OR8S1: variants seen among roughly 807,000 people sequenced by gnomAD.
OR8S1 encodes olfactory receptor 8S1.
For missense variants in OR8S1, 362 were observed against 372.1 expected, an observed-to-expected ratio of 0.97 and a Z score of 0.22; for synonymous variants, 150 against 151.4, an observed-to-expected ratio of 0.99 and a Z score of 0.07.
exon 1 of OR8S1, chr12:48,525,783 C>CTGA (rs1411580335): frequency 3.1e-6 from 5 of 1,614,034 alleles, no homozygotes; most frequent in Non-Finnish European, 4.2e-6. Context: ...ATGATCAGGG[C>CTGA]TGATTCTTGT....
chr12:48,526,450 T>C (rs577539229), exon 1 of OR8S1: 1 of 1,613,650 alleles, frequency 6.2e-7, no homozygotes, highest in South Asian at 1.1e-5. Context: ...TGATCTTCTC[T>C]GTGCAGTATA....
exon 1 of OR8S1, chr12:48,525,961 T>C: frequency 6.2e-7 from 1 of 1,614,204 alleles, no homozygotes; most frequent in Admixed American, 1.7e-5. Context: ...CTGCAGGGAC[T>C]GAAGCCTGCC....
exon 1 of OR8S1, chr12:48,526,249 T>C (rs770759605): frequency 9.9e-6 from 16 of 1,614,072 alleles, no homozygotes; most frequent in Admixed American, 3.3e-5. Context: ...CTCTCCTACA[T>C]GGGCTGGGAA....
chr12:48,526,023 T>G, exon 1 of OR8S1: 1 of 1,614,176 alleles, frequency 6.2e-7, no homozygotes, highest in Non-Finnish European at 8.5e-7. Context: ...CGCCCACTAC[T>G]TTATGGACAG....
exon 1 of OR8S1, chr12:48,526,520 G>A (rs200014106): frequency 1.0e-4 from 166 of 1,597,622 alleles, no homozygotes; most frequent in Non-Finnish European, 1.3e-4. Flanking sequence ...GGAAGTGAAG[G>A]TAGCTCTGAA....
rs1938211781 is a variant in OR8S1, at chr12:48,525,729, G to A, written c.98G>A (p.Gly33Glu). The A allele has an allele frequency of 4.3e-6, 7 of 1,614,106 alleles. No homozygotes were observed. The East Asian group carries it at 1.3e-4, about 31-fold the overall frequency. ...GCTCTGCTCTTTGTGCTGTTCCTGG[G>A]GATTTACCTCCTGACCATAATGGAA... Residue 33 changes from glycine (G) to glutamate (E), a missense_variant, in exon 1 of 1, where the codon GGG becomes GAG. By Grantham distance (98) the Gly-to-Glu change is moderately conservative (BLOSUM62 -2). Transcript: ENST00000641651.
chr12:48,526,363 C>A (rs1444352699), exon 1 of OR8S1: 3 of 1,614,070 alleles, frequency 1.9e-6, no homozygotes, highest in African/African-American at 2.7e-5. Flanking sequence ...GCTCTGCCCA[C>A]CTCACTGCAG....
rs771310946 is a variant in OR8S1 at position 48,525,886 on chromosome 12, C to G, written c.255C>G (p.Leu85=). The change falls in exon 1 of 1, where the codon CTC becomes CTG. Residue 85 remains leucine, a synonymous_variant. Transcript: ENST00000641651. ...TTGTGCCCAAGATGCTGGAGAACCT[C>G]CTGTCACAGAGGAAAACCATTTCAG... 2.5e-6 allele frequency: 4 copies of G among 1,614,084 alleles called. No individual in the cohort carries two copies. The African/African-American group carries it at 4.0e-5, about 16-fold the overall frequency.
exon 1 of OR8S1, chr12:48,526,282 C>T: frequency 1.2e-6 from 2 of 1,614,068 alleles, no homozygotes; most frequent in East Asian, 2.2e-5. Context: ...TCTTCTTATC[C>T]TACACCCGTA....
exon 1 of OR8S1, chr12:48,526,483 T>A: frequency 6.2e-7 from 1 of 1,610,844 alleles, no homozygotes; most frequent in Non-Finnish European, 8.5e-7. Flanking sequence ...CCATGCTGAA[T>A]TCCCTCATCT....
chr12:48,526,447 C>T (rs1328098946), exon 1 of OR8S1: 2 of 1,613,730 alleles, frequency 1.2e-6, no homozygotes, highest in Non-Finnish European at 1.7e-6. Context: ...AGTTGATCTT[C>T]TCTGTGCAGT....
Position 48,526,158 on chromosome 12 carries a change from AC to A in OR8S1, c.528del (p.Tyr177ThrfsTer45). The A allele has an allele frequency of 6.2e-7, 1 of 1,614,086 alleles. No homozygotes were observed. The highest frequency in any genetic ancestry group is 1.1e-5 in the South Asian group (1 of 91,078). On this transcript the variant is annotated frameshift_variant, in exon 1 of 1. Transcript: ENST00000641651. LOFTEE classifies it low-confidence loss of function (END_TRUNC). ...TTTTGTGAAGCCAAAATCATTCACCACTACAGCTATGAGATGCCATCCCTCC... is the reference window on the plus strand; with the variant it reads ...TTTTGTGAAGCCAAAATCATTCACCATACAGCTATGAGATGCCATCCCTCC...
At chr12:48,526,080 G>A in exon 1 of OR8S1, 2 of 1,614,156 alleles carry the variant, frequency 1.2e-6, no homozygotes, top group South Asian at 1.1e-5. Context: ...GGCTCATGGG[G>A]ACTGGGCTTT....
exon 1 of OR8S1, chr12:48,526,339 G>A (rs377563477): frequency 9.9e-6 from 16 of 1,614,022 alleles, no homozygotes; most frequent in Middle Eastern, 1.6e-4. Flanking sequence ...GCAGAAGCAA[G>A]GCCTTCTCCA....
At chr12:48,526,066 G>A in exon 1 of OR8S1, 2 of 1,614,148 alleles carry the variant, frequency 1.2e-6, no homozygotes, top group Non-Finnish European at 8.5e-7. Context: ...TGCACCTTGT[G>A]TGGGGCTCAT....
exon 1 of OR8S1, chr12:48,526,202 G>C: frequency 7.4e-6 from 12 of 1,614,108 alleles, no homozygotes; most frequent in Non-Finnish European, 1.0e-5. Context: ...GTCCTGCTCT[G>C]ATATCTCCAG....
chr12:48,526,510 GGAAGT>G lies in OR8S1; in HGVS notation c.884_888del (p.Val295GlyfsTer?). 9 of 1,603,784 alleles carry G rather than the reference GGAAGT, an allele frequency of 5.6e-6. No homozygotes were observed. In the Middle Eastern group the frequency reaches 1.5e-3, roughly 265 times the overall value. On this transcript the variant is annotated frameshift_variant, in exon 1 of 1. Coordinates refer to ENST00000641651, the Ensembl canonical transcript of OR8S1. LOFTEE classifies it low-confidence loss of function (END_TRUNC). ...CCCTCATCTATAGCCTGAAAAATAA[GGAAGT>G]GAAGGTAGCTCTGAAAAGAACTTTG...
At chr12:48,526,351 C>T (rs201232138) in exon 1 of OR8S1, 131 of 1,614,068 alleles carry the variant, frequency 8.1e-5, no homozygotes, top group Non-Finnish European at 2.0e-5. Context: ...CCTTCTCCAC[C>T]TGCTCTGCCC....
Position 48,525,972 on chromosome 12 carries a change from TTC to T in OR8S1, c.346_347del (p.Ser116ArgfsTer5). On this transcript the variant is annotated frameshift_variant, in exon 1 of 1. Transcript: ENST00000641651. LOFTEE classifies it low-confidence loss of function (END_TRUNC). Reference sequence around the variant, plus strand: ...GTCACTGCAGGGACTGAAGCCTGCCTTCTCTCAGGGATGGCCTATGACCGCCA... The same window carrying T: ...GTCACTGCAGGGACTGAAGCCTGCCTTCTCAGGGATGGCCTATGACCGCCA... The T allele has an allele frequency of 6.2e-7, 1 of 1,614,168 alleles. No homozygotes were observed. The highest frequency in any genetic ancestry group is 2.2e-5 in the East Asian group (1 of 44,878).
Sources: gnomAD v4.1 joint callset for allele counts on GRCh38, gnomAD v4.1.1 for gene constraint, MANE v1.5 for transcripts, NCBI Gene and HGNC (gene_info 2026-07-23, HGNC 2026-07-21) for gene names.